Variants in IFI16 observed in about 807,000 individuals in gnomAD.
IFI16 encodes the protein interferon gamma inducible protein 16.
IFI16 carries 49 observed loss-of-function variants against 68.4 expected under a neutral mutation model. The observed-to-expected ratio is 0.72, with a 90% confidence interval of 0.57 to 0.91. IFI16 has a LOEUF of 0.91. Ranked by LOEUF, IFI16 falls within the 40% of genes least tolerant of loss-of-function variation. The pLI is 0.00. For synonymous variants in IFI16, 307 were observed against 315.0 expected, an observed-to-expected ratio of 0.97 and a Z score of 0.27; for missense variants, 878 against 942.9, an observed-to-expected ratio of 0.93 and a Z score of 0.90.
upstream of IFI16, among the ~76,000 whole-genome samples, chr1:159,004,445 C>T (rs575673449): frequency 6.6e-6 from 1 of 152,214 alleles, no homozygotes; most frequent in East Asian, 1.9e-4. Context: ...TGACTCACGC[C>T]TCTAATCCCA....
chr1:159,025,425 T>A (rs1324649086), intron 6 of IFI16, among the ~76,000 whole-genome samples: 1 of 152,228 alleles, frequency 6.6e-6, no homozygotes, highest in Non-Finnish European at 1.5e-5. Context: ...GCTATTAATG[T>A]TAAATTTAAT....
At chr1:159,033,633 A>G (rs1772412) in intron 7 of IFI16, among the ~76,000 whole-genome samples, 150,405 of 152,358 alleles carry the variant, frequency 0.99, 74,264 homozygotes, top group East Asian at 1. Context: ...TTCAAAGAAA[A>G]TTAGAGTCAT....
chr1:159,000,309 C>A, exon 1 of IFI16: 1 of 244,638 alleles, frequency 4.1e-6, no homozygotes, highest in South Asian at 7.9e-5. Context: ...TATTTACTCT[C>A]CATCTCACGA....
At chr1:159,025,042 G>A (rs894582546) in intron 6 of IFI16, among the ~76,000 whole-genome samples, 5 of 151,844 alleles carry the variant, frequency 3.3e-5, no homozygotes, top group Non-Finnish European at 7.4e-5. Flanking sequence ...TGGTTTTCAG[G>A]CTGGTGCTGG....
At chr1:159,026,831 G>A (rs547092637) in intron 6 of IFI16, among the ~76,000 whole-genome samples, 1 of 152,254 alleles carries the variant, frequency 6.6e-6, no homozygotes, top group South Asian at 2.1e-4. Context: ...GTTGCTGGCC[G>A]TGTATAGCAG....
chr1:159,033,624 T>C (rs1654139794), intron 7 of IFI16, among the ~76,000 whole-genome samples: 1 of 152,200 alleles, frequency 6.6e-6, no homozygotes, highest in African/African-American at 2.4e-5. Context: ...CCTCAAGCTT[T>C]CAAAGAAAAT....
chr1:159,008,707 A>G (rs1652366703), upstream of IFI16, among the ~76,000 whole-genome samples: 1 of 152,162 alleles, frequency 6.6e-6, no homozygotes, highest in African/African-American at 2.4e-5. Flanking sequence ...CCAGTAAAAG[A>G]TTATCACGAA....
intron 6 of IFI16, among the ~76,000 whole-genome samples, chr1:159,026,076 C>CT (rs559268710): frequency 5.5e-4 from 83 of 152,202 alleles, no homozygotes; most frequent in African/African-American, 1.9e-3. Flanking sequence ...TGACTATGGC[C>CT]TTATAGTATA....
rs1319676806 is a variant in IFI16 at position 159,015,899 on chromosome 1, G to A, written c.293G>A (p.Arg98Lys). ...AAAGGACCAGCCCTATCAAGAAAGA[G>A]GAAGAAGGAAGTGGATGCTACTTCA... is the stretch of plus-strand genomic sequence containing the variant. ...KVKGPALSRK[R>K]KKEVDATSPA... is the part of the protein sequence containing the mutation. The change falls in exon 3 of 12, where the codon AGG becomes AAG. Residue 98 changes from arginine to lysine, a missense_variant. Arg to Lys is a conservative substitution (Grantham distance 26). This residue lies in a region of IFI16 where 443 missense variants were observed against 421.8 expected (regional missense o/e 1.05). Coordinates refer to ENST00000295809, the MANE Select transcript of IFI16 (RefSeq NM_001376587.1). 6.2e-7 allele frequency: 1 copy of A among 1,613,834 alleles called. No individual in the cohort carries two copies. Among genetic ancestry groups the A allele is most frequent in the Admixed American group, 1.7e-5 (1 of 59,994 alleles).
At chr1:159,052,174 T>C in intron 10 of IFI16, 76 bp downstream of exon 10, 1 of 1,173,486 alleles carries the variant, frequency 8.5e-7, no homozygotes, top group South Asian at 1.5e-5. Flanking sequence ...TCAACTGGAG[T>C]TTGGTCAACT....
At chr1:159,049,921 A>C (rs1655239466) in intron 9 of IFI16, among the ~76,000 whole-genome samples, 1 of 151,180 alleles carries the variant, frequency 6.6e-6, no homozygotes, top group South Asian at 2.1e-4. Flanking sequence ...AGAGCCACCC[A>C]TAACACTATC....
At chr1:159,046,246 T>C (rs1282336575) in intron 8 of IFI16, among the ~76,000 whole-genome samples, 1 of 151,180 alleles carries the variant, frequency 6.6e-6, no homozygotes, top group Non-Finnish European at 1.5e-5. Flanking sequence ...AGTAGCTTTA[T>C]AATTATTTCC....
intron 4 of IFI16, among the ~76,000 whole-genome samples, chr1:159,017,552 G>A (rs1395667275): frequency 1.3e-5 from 2 of 151,756 alleles, no homozygotes; most frequent in African/African-American, 2.4e-5. Context: ...CTTTAAGCTG[G>A]TAAGAGAAAT....
chr1:159,020,788 GTGAT>G (rs1160171518), intron 6 of IFI16, among the ~76,000 whole-genome samples: 1 of 151,848 alleles, frequency 6.6e-6, no homozygotes, highest in Non-Finnish European at 1.5e-5. Context: ...AAACTTTTAA[GTGAT>G]TGTAGGGTTG....
intron 7 of IFI16, among the ~76,000 whole-genome samples, chr1:159,044,420 G>A (rs1654855970): frequency 6.6e-6 from 1 of 152,098 alleles, no homozygotes; most frequent in South Asian, 2.1e-4. Context: ...CCATAGTCCA[G>A]GTGCTCAGTG....
rs60403057 is a variant in IFI16 at position 159,019,263 on chromosome 1, A to ACAAC, written c.972+612_972+613insCAAC. Among the ~76,000 whole-genome samples, 599 of 147,526 alleles carry ACAAC rather than the reference A, an allele frequency of 4.1e-3. 7 individuals carry two copies. The highest frequency in any genetic ancestry group is 0.014 in the African/African-American group (566 of 40,036). On this transcript the variant is annotated intron_variant, in intron 5 of 11. Transcript: ENST00000295809. ...ATTTGTCATTTATATATAAATAACA[A>ACAAC]AAAAAAAAAATAGAGTACAGAGTGC...
intron 6 of IFI16, among the ~76,000 whole-genome samples, chr1:159,031,999 A>C (rs1373764779): frequency 6.6e-6 from 1 of 152,250 alleles, no homozygotes; most frequent in Non-Finnish European, 1.5e-5. Flanking sequence ...AGATTGGTTT[A>C]AAAATTAAAT....
intron 5 of IFI16, among the ~76,000 whole-genome samples, 190 bp from the exon 6 acceptor site, chr1:159,020,151 A>T (rs1410762287): frequency 1.3e-5 from 2 of 152,192 alleles, no homozygotes; most frequent in African/African-American, 4.8e-5. Flanking sequence ...AATATCTCAG[A>T]TATGAAAGAC....
upstream of IFI16, among the ~76,000 whole-genome samples, chr1:159,004,981 A>G (rs1652199746): frequency 6.6e-6 from 1 of 152,212 alleles, no homozygotes; most frequent in South Asian, 2.1e-4. Context: ...CTTCAAAAAT[A>G]ATGTTGAAAC....
Sources: allele counts gnomAD v4.1 joint callset (sites outside exome capture counted in the v4.1 genomes callset), GRCh38; gene constraint gnomAD v4.1.1; regional missense constraint gnomAD v4.1.1; transcripts MANE v1.5; gene names NCBI Gene and HGNC (gene_info 2026-07-23, HGNC 2026-07-21).